PTPRK: variants seen among roughly 807,000 people sequenced by gnomAD.
The protein encoded by PTPRK is receptor-type tyrosine-protein phosphatase kappa.
A neutral mutation model predicts 178.0 loss-of-function variants in PTPRK; 75 were observed. The observed-to-expected ratio is 0.42, with a 90% CI of 0.35 to 0.51. The LOEUF is 0.51. Ranked by LOEUF, PTPRK falls within the 20% of genes least tolerant of loss-of-function variation. PTPRK has a pLI of 0.02. For missense variants in PTPRK, 1,441 were observed against 1,797.8 expected, an observed-to-expected ratio of 0.80 and a Z score of 3.59; for synonymous variants, 637 against 620.6, an observed-to-expected ratio of 1.03 and a Z score of -0.39.
rs746956631 is a variant in PTPRK, at chr6:128,218,971, C to A, written c.819G>T (p.Gln273His). The A allele has an allele frequency of 3.7e-6, 6 of 1,614,052 alleles. No homozygotes were observed. The highest frequency in any genetic ancestry group is 1.6e-4 in the Middle Eastern group (1 of 6,062). Residue 273 changes from glutamine (Q) to histidine (H), a missense_variant, in exon 6 of 30, where the codon CAG (glutamine) becomes CAT (histidine). By Grantham distance (24) the Gln-to-His change is conservative (BLOSUM62 0). Coordinates refer to ENST00000368226, the MANE Select transcript of PTPRK (RefSeq NM_002844.4). ...TGGACACACCGGAACCTCGTTCTGA[C>A]TGAGTTACACAGCGATACAAATCCT... The part of the protein sequence containing the change: ...TDQDLYRCVT[Q>H]SERGSGVSNF...
chr6:128,370,755 C>T lies in PTPRK; in HGVS notation c.223+26811G>A, dbSNP rs186621155. Among the ~76,000 whole-genome samples the T allele has an allele frequency of 1.9e-4, 29 of 152,200 alleles. 1 individual carries two copies. Among genetic ancestry groups the T allele is most frequent in the Admixed American group, 6.5e-4 (10 of 15,274 alleles). The stretch of plus-strand genomic sequence containing the variant: ...AGTCAATTCATCTCACAAAAAAGCA[C>T]GCTTAGCTTATTACTTCAAAGATTA... On this transcript the variant is annotated intron_variant, in intron 2 of 29. Coordinates refer to ENST00000368226, the MANE Select transcript of PTPRK (RefSeq NM_002844.4).
chr6:128,278,125 T>TTA lies in PTPRK; in HGVS notation c.496-35525_496-35524dup, dbSNP rs1284922157. ...AACAATGCAGGTGTTTTTGTGTTTT[T>TTA]TATTTATTTATTTATTTATTTATTT... On this transcript the variant is annotated intron_variant, in intron 3 of 29. Transcript: ENST00000368226. 1.6e-4 allele frequency among the ~76,000 whole-genome samples: 12 copies of TTA among 76,398 alleles called. No homozygotes were observed. The East Asian group carries it at 5.5e-3, about 35-fold the overall frequency. The allele number at this position is 76,398 out of a possible 152,430, so 50.1% of individuals were successfully genotyped here.
In PTPRK at chr6:128,228,767, T is replaced by G. The variant is rs552840471; in HGVS notation, c.694-9671A>C. Among the ~76,000 whole-genome samples the G allele has an allele frequency of 4.9e-4, 74 of 152,160 alleles. 1 individual carries two copies. Among genetic ancestry groups the G allele is most frequent in the Non-Finnish European group, 8.4e-4 (57 of 68,000 alleles). The stretch of plus-strand genomic sequence containing the variant: ...GAAAATACCACATACCTGATGACAG[T>G]ATCTCAGAGTGACCTACTGTGATAC... On this transcript the variant is annotated intron_variant, in intron 5 of 29. Coordinates refer to ENST00000368226, the MANE Select transcript of PTPRK (RefSeq NM_002844.4).
intron 1 of PTPRK, among the ~76,000 whole-genome samples, chr6:128,455,213 T>C (rs1848252726): frequency 6.6e-6 from 1 of 152,168 alleles, no homozygotes; most frequent in Non-Finnish European, 1.5e-5. Context: ...TCATCTAAAT[T>C]AGCAAGTTTT....
intron 8 of PTPRK, 134 bp downstream of exon 8, chr6:128,089,556 G>A: frequency 1.0e-6 from 1 of 999,508 alleles, no homozygotes; most frequent in Admixed American, 2.6e-5. Context: ...TTTTTCCAAA[G>A]TTAATCTCAT....
intron 7 of PTPRK, among the ~76,000 whole-genome samples, chr6:128,131,348 T>G (rs900838615): frequency 1.3e-5 from 2 of 152,170 alleles, no homozygotes; most frequent in Non-Finnish European, 2.9e-5. Context: ...CGGGGAGGGC[T>G]ACACAAACCA....
chr6:128,488,613 A>G (rs555057351), intron 1 of PTPRK, among the ~76,000 whole-genome samples: 1 of 152,300 alleles, frequency 6.6e-6, no homozygotes, highest in African/African-American at 2.4e-5. Flanking sequence ...GTTCCACCTC[A>G]CCTTTCTTGT....
intron 18 of PTPRK, among the ~76,000 whole-genome samples, chr6:127,993,595 T>C (rs1217743308): frequency 6.6e-6 from 1 of 151,694 alleles, no homozygotes; most frequent in African/African-American, 2.4e-5. Context: ...AACTGAGATC[T>C]CCAACCTAAA....
chr6:128,334,913 C>A (rs893453186), intron 2 of PTPRK, among the ~76,000 whole-genome samples: 1 of 152,090 alleles, frequency 6.6e-6, no homozygotes, highest in South Asian at 2.1e-4. Context: ...CATGGTGAAA[C>A]CCTGTCTCTA....
At chr6:128,297,110 G>A (rs571291880) in intron 3 of PTPRK, among the ~76,000 whole-genome samples, 1 of 151,586 alleles carries the variant, frequency 6.6e-6, no homozygotes, top group Admixed American at 6.6e-5. Context: ...AACCAACAAA[G>A]ATCAAAAGAG....
chr6:128,292,587 T>C (rs1823570694), intron 3 of PTPRK, among the ~76,000 whole-genome samples: 1 of 152,056 alleles, frequency 6.6e-6, no homozygotes. Context: ...AGAACATTTC[T>C]TTCACAACTC....
intron 8 of PTPRK, among the ~76,000 whole-genome samples, chr6:128,088,768 A>G (rs1016347714): frequency 1.3e-5 from 2 of 152,190 alleles, no homozygotes; most frequent in African/African-American, 4.8e-5. Context: ...ATTTATCAAG[A>G]AGTAACACAC....
intron 11 of PTPRK, among the ~76,000 whole-genome samples, chr6:128,074,691 G>A (rs1215261373): frequency 3.3e-5 from 5 of 151,936 alleles, no homozygotes; most frequent in South Asian, 2.1e-4. Flanking sequence ...AATTAATTTC[G>A]TCAAAGAACC....
chr6:128,451,709 A>C (rs1269526002), intron 1 of PTPRK, among the ~76,000 whole-genome samples: 1 of 152,144 alleles, frequency 6.6e-6, no homozygotes, highest in East Asian at 1.9e-4. Flanking sequence ...ATGGGTTTTT[A>C]ATTATTGGTT....
chr6:128,377,873 T>C (rs1162920858), intron 2 of PTPRK, among the ~76,000 whole-genome samples: 2 of 152,130 alleles, frequency 1.3e-5, no homozygotes, highest in Non-Finnish European at 2.9e-5. Flanking sequence ...TTAATCAACT[T>C]CCAAACTGTT....
intron 2 of PTPRK, among the ~76,000 whole-genome samples, chr6:128,360,279 C>A (rs990195145): frequency 6.6e-6 from 1 of 152,090 alleles, no homozygotes; most frequent in Non-Finnish European, 1.5e-5. Context: ...AAGTAACAGG[C>A]CAGAGTACTA....
intron 3 of PTPRK, among the ~76,000 whole-genome samples, chr6:128,283,930 T>C (rs1031315830): frequency 6.6e-5 from 10 of 152,210 alleles, no homozygotes; most frequent in African/African-American, 2.4e-4. Flanking sequence ...CCTGACTCCA[T>C]GTGGCCTACA....
chr6:128,243,509 AAAAAGAAAAG>A (rs1554367484), intron 3 of PTPRK, among the ~76,000 whole-genome samples: 31 of 137,698 alleles, frequency 2.3e-4, no homozygotes, highest in East Asian at 7.6e-4. Flanking sequence ...AAAAAAAAAA[AAAAAGAAAAG>A]AAAAGAAAAG....
rs946108737 is a variant in PTPRK at position 128,093,036 on chromosome 6, C to T, written c.1163-3044G>A. ...GTGACTCAGAGGTATGATAGTAAAT[C>T]GTATTTATAACAAATAAAAAACCAT... is the stretch of plus-strand genomic sequence containing the variant. On this transcript the variant is annotated intron_variant, in intron 7 of 29. Coordinates refer to ENST00000368226, the MANE Select transcript of PTPRK (RefSeq NM_002844.4). 2.6e-4 allele frequency among the ~76,000 whole-genome samples: 39 copies of T among 151,952 alleles called. 2 individuals carry two copies. The highest frequency in any genetic ancestry group is 2.3e-3 in the Admixed American group (35 of 15,252).
Sources: allele counts gnomAD v4.1 joint callset (sites outside exome capture counted in the v4.1 genomes callset), GRCh38; gene constraint gnomAD v4.1.1; transcripts MANE v1.5; gene names NCBI Gene and HGNC (gene_info 2026-07-23, HGNC 2026-07-21).